COL4A1: variants seen among roughly 807,000 people sequenced by gnomAD.
The protein encoded by COL4A1 is collagen type IV alpha 1 chain.
COL4A1 carries 40 observed loss-of-function variants against 216.6 expected under a neutral mutation model. The observed-to-expected ratio is 0.18, with a 90% confidence interval of 0.14 to 0.24. The LOEUF (loss-of-function observed/expected upper bound fraction) is 0.24, where lower values mean the gene tolerates loss of function less well. COL4A1 is among the 10% of genes least tolerant of loss of function. COL4A1 has a pLI of 1.00. For synonymous variants in COL4A1, 839 were observed against 810.7 expected (o/e 1.03, Z -0.59); for missense variants, 1,628 against 2,196.8 (o/e 0.74, Z 5.18).
rs1048193363 is a variant in COL4A1 at position 110,191,787 on chromosome 13, C to A, written c.1536+427G>T. On this transcript the variant is annotated intron_variant, in intron 24 of 51. Transcript: ENST00000375820. The stretch of plus-strand genomic sequence containing the variant: ...TATTGATGCTGAACCTACTGACTAA[C>A]CAGCTTTTAGATGATCTGATATGAT... The A allele has an allele frequency of 6.4e-5, 38 of 594,674 alleles. 1 individual carries two copies. The highest frequency in any genetic ancestry group is 5.2e-4 in the South Asian group (24 of 45,728). 36.8% of individuals were successfully genotyped at this position (594,674 alleles called of 1,614,324 possible).
At chr13:110,243,073 A>G (rs1446743831) in intron 1 of COL4A1, among the ~76,000 whole-genome samples, 3 of 152,240 alleles carry the variant, frequency 2.0e-5, no homozygotes, top group Non-Finnish European at 2.9e-5. Flanking sequence ...GGCAACACCC[A>G]TATTTGCAAA....
chr13:110,244,616 C>T (rs1443508493), intron 1 of COL4A1, among the ~76,000 whole-genome samples: 2 of 152,136 alleles, frequency 1.3e-5, no homozygotes, highest in Non-Finnish European at 2.9e-5. Context: ...GTGTCTAATC[C>T]CCAGGTGAGG....
chr13:110,287,526 G>A (rs189492048), intron 1 of COL4A1, among the ~76,000 whole-genome samples: 2 of 152,190 alleles, frequency 1.3e-5, no homozygotes, highest in Admixed American at 6.5e-5. Flanking sequence ...GTTTACATTT[G>A]GGGCTCTCAT....
chr13:110,293,472 G>GA (rs148828902), intron 1 of COL4A1, among the ~76,000 whole-genome samples: 1,833 of 152,294 alleles, frequency 0.012, 34 homozygotes, highest in African/African-American at 0.042. Flanking sequence ...TATAGAACTA[G>GA]AAAAAGTTGT....
At chr13:110,183,950 C>T (rs1024226146) in intron 26 of COL4A1, among the ~76,000 whole-genome samples, 2 of 152,196 alleles carry the variant, frequency 1.3e-5, no homozygotes, top group African/African-American at 4.8e-5. Context: ...ACTGAATCTT[C>T]GTACACCTCG....
chr13:110,272,785 G>T (rs1883292747), intron 1 of COL4A1, among the ~76,000 whole-genome samples: 1 of 152,220 alleles, frequency 6.6e-6, no homozygotes, highest in South Asian at 2.1e-4. Flanking sequence ...CCCTGAGCAG[G>T]TAAAAAGGAA....
At chr13:110,150,592 G>T in intron 51 of COL4A1, 148 bp from the exon 52 acceptor site, 1 of 779,008 alleles carries the variant, frequency 1.3e-6, no homozygotes, top group Non-Finnish European at 2.2e-6. Flanking sequence ...GAGCAGGCAG[G>T]TGCTGGGTGC....
At chr13:110,196,528 A>G (rs1878897428) in intron 21 of COL4A1, among the ~76,000 whole-genome samples, 1 of 152,176 alleles carries the variant, frequency 6.6e-6, no homozygotes, top group Non-Finnish European at 1.5e-5. Flanking sequence ...CCTTTTCCAG[A>G]GCATAACTCC....
chr13:110,257,979 T>C (rs1217977580), intron 1 of COL4A1, among the ~76,000 whole-genome samples: 1 of 152,232 alleles, frequency 6.6e-6, no homozygotes, highest in African/African-American at 2.4e-5. Flanking sequence ...TCCTTCCATT[T>C]GAATGAGTAA....
chr13:110,253,332 T>C (rs187110330), intron 1 of COL4A1, among the ~76,000 whole-genome samples: 14 of 43,678 alleles, frequency 3.2e-4, no homozygotes, highest in Middle Eastern at 0.038. Context: ...TATAATTATA[T>C]GTATTACATA....
chr13:110,191,237 A>G (rs1878612797), intron 24 of COL4A1: 1 of 155,416 alleles, frequency 6.4e-6, no homozygotes, highest in African/African-American at 2.4e-5. Flanking sequence ...TGCTATTTCA[A>G]CTCGCTTTTG....
intron 29 of COL4A1, 93 bp from the exon 30 acceptor site, chr13:110,179,514 G>A: frequency 6.4e-7 from 1 of 1,555,528 alleles, no homozygotes; most frequent in Non-Finnish European, 8.9e-7. Flanking sequence ...AACAGATACT[G>A]CCAATGCATT....
intron 1 of COL4A1, among the ~76,000 whole-genome samples, chr13:110,295,422 CTTTTTTTTT>C (rs5806848): frequency 1.1e-5 from 1 of 88,212 alleles, no homozygotes; most frequent in Non-Finnish European, 2.2e-5. Flanking sequence ...AGTTCACTTC[CTTTTTTTTT>C]TTTTTTTTTT....
chr13:110,198,620 G>T lies in COL4A1; in HGVS notation c.1132C>A (p.Pro378Thr). Residue 378 changes from proline to threonine, a missense_variant, in exon 21 of 52, where the codon CCT becomes ACT. Pro to Thr is a conservative substitution (Grantham distance 38). Coordinates refer to ENST00000375820, the MANE Select transcript of COL4A1 (RefSeq NM_001845.6). The stretch of plus-strand genomic sequence containing the variant: ...AAGCCAGGGGCACCAGCCTGCCCAG[G>T]TACAGGGAGGCCTGCAACCAGACAG... ...GQPGPPGLPV[P>T]GQAGAPGFPG... 6.2e-7 allele frequency: 1 copy of T among 1,614,024 alleles called. No individual in the cohort carries two copies. Among genetic ancestry groups the T allele is most frequent in the Non-Finnish European group, 8.5e-7 (1 of 1,180,002 alleles).
intron 1 of COL4A1, among the ~76,000 whole-genome samples, chr13:110,281,252 C>T (rs1484444614): frequency 2.0e-5 from 3 of 152,176 alleles, no homozygotes; most frequent in Admixed American, 6.5e-5. Flanking sequence ...AACCTCCCCC[C>T]GCCATCTCCT....
intron 49 of COL4A1, among the ~76,000 whole-genome samples, chr13:110,157,701 G>T (rs972860187): frequency 3.3e-5 from 5 of 152,192 alleles, no homozygotes; most frequent in African/African-American, 1.2e-4. Flanking sequence ...CCAATGACAT[G>T]TTAAGTGGGA....
chr13:110,276,537 T>C (rs1375961828), intron 1 of COL4A1, among the ~76,000 whole-genome samples: 2 of 152,186 alleles, frequency 1.3e-5, no homozygotes, highest in Non-Finnish European at 2.9e-5. Context: ...CAAATTTTTG[T>C]AGGATATTTA....
chr13:110,191,543 A>G, intron 24 of COL4A1: 1 of 589,002 alleles, frequency 1.7e-6, no homozygotes, highest in East Asian at 2.9e-5. Context: ...TATTTAGTGG[A>G]TTCTTTTAAA....
intron 1 of COL4A1, among the ~76,000 whole-genome samples, chr13:110,263,321 T>C (rs1204965662): frequency 6.6e-6 from 1 of 152,182 alleles, no homozygotes; most frequent in Non-Finnish European, 1.5e-5. Flanking sequence ...TCAAGAAGTA[T>C]TGGGAAAACC....
Sources: gnomAD v4.1 joint callset for allele counts (sites outside exome capture counted in the v4.1 genomes callset) on GRCh38, gnomAD v4.1.1 for gene constraint, MANE v1.5 for transcripts, NCBI Gene and HGNC (gene_info 2026-07-23, HGNC 2026-07-21) for gene names.